FBXO40: variants seen among roughly 807,000 people sequenced by gnomAD.
FBXO40 encodes the protein F-box protein 40.
FBXO40 carries 50 observed loss-of-function variants against 49.9 expected under a neutral mutation model. That is an observed-to-expected ratio of 1.00 (90% CI 0.80 to 1.27). The LOEUF is 1.27. Among genes scored for constraint, FBXO40 ranks in the 50% most tolerant of loss-of-function variants. FBXO40 has a pLI of 0.00. For synonymous variants in FBXO40, 340 were observed against 320.2 expected, an observed-to-expected ratio of 1.06 and a Z score of -0.66; for missense variants, 895 against 870.1, an observed-to-expected ratio of 1.03 and a Z score of -0.36.
chr3:121,616,461 C>A (rs540989167), intron 1 of FBXO40, among the ~76,000 whole-genome samples: 1 of 152,194 alleles, frequency 6.6e-6, no homozygotes, highest in East Asian at 1.9e-4. Context: ...CCACAAATGG[C>A]GATTGAGCAC....
chr3:121,616,728 A>C (rs973996853), intron 1 of FBXO40, among the ~76,000 whole-genome samples: 1 of 152,200 alleles, frequency 6.6e-6, no homozygotes, highest in Non-Finnish European at 1.5e-5. Context: ...GAATGAGTGG[A>C]GGAACTAATA....
At position 121,622,636 on chromosome 3, in the gene FBXO40, G is replaced by C; in HGVS notation, c.1207G>C (p.Ala403Pro). ...SDLIKTTLQC[A>P]LERELKGHVI... ...TCTCATCAAGACCACCCTCCAGTGTGCTTTGGAAAGAGAACTCAAAGGCCA... is the reference window on the plus strand; with the variant it reads ...TCTCATCAAGACCACCCTCCAGTGTCCTTTGGAAAGAGAACTCAAAGGCCA... The change falls in exon 3 of 4, where the codon GCT becomes CCT. Residue 403 changes from alanine (A) to proline (P), a missense_variant. Ala to Pro is a conservative substitution (Grantham distance 27). Transcript: ENST00000338040. 6.2e-7 allele frequency: 1 copy of C among 1,614,196 alleles called. No individual in the cohort carries two copies. The highest frequency in any genetic ancestry group is 8.5e-7 in the Non-Finnish European group (1 of 1,180,028).
At chr3:121,623,990 T>TTC (rs2049048995) in intron 3 of FBXO40, among the ~76,000 whole-genome samples, 1 of 74,082 alleles carries the variant, frequency 1.3e-5, no homozygotes, top group Non-Finnish European at 2.8e-5. Flanking sequence ...ACCTGGCCTT[T>TTC]TTTTTTTTTT....
At chr3:121,610,220 G>T (rs2048957475) in intron 1 of FBXO40, among the ~76,000 whole-genome samples, 1 of 152,240 alleles carries the variant, frequency 6.6e-6, no homozygotes, top group South Asian at 2.1e-4. Context: ...TGGCTCTGAA[G>T]GGGTGGAGAG....
intron 3 of FBXO40, 147 bp from the exon 4 acceptor site, chr3:121,626,548 G>T: frequency 1.4e-6 from 1 of 712,292 alleles, no homozygotes; most frequent in Non-Finnish European, 2.4e-6. Context: ...CTGGAGGAGG[G>T]GCTACCAAAT....
At chr3:121,603,877 C>T (rs1003252375) in intron 1 of FBXO40, among the ~76,000 whole-genome samples, 7 of 152,288 alleles carry the variant, frequency 4.6e-5, no homozygotes, top group African/African-American at 1.4e-4. Flanking sequence ...TGCCACCACA[C>T]CCAGCTAATT....
intron 1 of FBXO40, among the ~76,000 whole-genome samples, chr3:121,613,210 C>A (rs1423335997): frequency 6.6e-6 from 1 of 152,176 alleles, no homozygotes; most frequent in Non-Finnish European, 1.5e-5. Context: ...CTGAATACCA[C>A]TCCTTGTCCG....
At chr3:121,623,457 T>C in intron 3 of FBXO40, 114 bp downstream of exon 3, 1 of 845,310 alleles carries the variant, frequency 1.2e-6, no homozygotes, top group Non-Finnish European at 1.8e-6. Context: ...AATCACAGCC[T>C]TGAACTTCTG....
Position 121,622,386 on chromosome 3 carries a change from A to G in FBXO40, c.957A>G (p.Ile319Met), listed in dbSNP as rs1449165362. The change falls in exon 3 of 4, where the codon ATA (isoleucine) becomes ATG (methionine). Residue 319 changes from isoleucine (I) to methionine (M), a missense_variant. Coordinates refer to ENST00000338040, the MANE Select transcript of FBXO40 (RefSeq NM_016298.4). Reference sequence around the variant, plus strand: ...TAGTGCACAATGGGCGGATGCTGATACACTTTGGTCAGATGCCTGCTTGTA... The same window carrying G: ...TAGTGCACAATGGGCGGATGCTGATGCACTTTGGTCAGATGCCTGCTTGTA... ...MYLVHNGRML[I>M]HFGQMPACTP... The G allele has an allele frequency of 6.2e-7, 1 of 1,614,242 alleles. No homozygotes were observed. Among genetic ancestry groups the G allele is most frequent in the Non-Finnish European group, 8.5e-7 (1 of 1,180,048 alleles).
intron 1 of FBXO40, among the ~76,000 whole-genome samples, chr3:121,614,213 G>A (rs2048983779): frequency 6.9e-6 from 1 of 145,662 alleles, no homozygotes; most frequent in African/African-American, 2.6e-5. Flanking sequence ...GTTGCAGTGA[G>A]CCAAGATTGT....
chr3:121,597,607 C>T (rs149879131), intron 1 of FBXO40, among the ~76,000 whole-genome samples: 400 of 150,966 alleles, frequency 2.6e-3, no homozygotes, highest in Middle Eastern at 0.01. Flanking sequence ...TACACACTCC[C>T]TATTTCATCT....
chr3:121,619,042 C>T (rs1461429779), intron 1 of FBXO40, among the ~76,000 whole-genome samples: 1 of 151,834 alleles, frequency 6.6e-6, no homozygotes, highest in Non-Finnish European at 1.5e-5. Flanking sequence ...CTCACCCAGG[C>T]TGGAGTGCAG....
At chr3:121,610,721 C>A (rs368379999) in intron 1 of FBXO40, among the ~76,000 whole-genome samples, 7 of 152,170 alleles carry the variant, frequency 4.6e-5, no homozygotes, top group African/African-American at 1.7e-4. Context: ...CTCACTGCAA[C>A]CTCCGCCTCC....
chr3:121,607,593 G>T (rs2048939202), intron 1 of FBXO40, among the ~76,000 whole-genome samples: 1 of 152,036 alleles, frequency 6.6e-6, no homozygotes, highest in Non-Finnish European at 1.5e-5. Context: ...ACAGGCGTGA[G>T]CCACCGCACC....
At position 121,623,017 on chromosome 3, in the gene FBXO40, C is replaced by A; in HGVS notation, c.1588C>A (p.Gln530Lys). The part of the protein sequence containing the change: ...FVQNHFRPPG[Q>K]KAKVIYSQEL... ...TCAAAACCATTTCCGTCCCCCAGGG[C>A]AAAAGGCAAAAGTAATCTATAGCCA... Residue 530 changes from glutamine (Q) to lysine (K), a missense_variant, in exon 3 of 4, where the codon CAA becomes AAA. Physicochemically the swap from Gln to Lys is moderately conservative, Grantham distance 53. Coordinates refer to ENST00000338040, the MANE Select transcript of FBXO40 (RefSeq NM_016298.4). 6.2e-7 allele frequency: 1 copy of A among 1,614,202 alleles called. No individual in the cohort carries two copies.
chr3:121,598,705 G>T (rs2048885556), intron 1 of FBXO40, among the ~76,000 whole-genome samples: 1 of 152,094 alleles, frequency 6.6e-6, no homozygotes, highest in African/African-American at 2.4e-5. Flanking sequence ...GGCAGAATTT[G>T]CCCACTCCTT....
chr3:121,613,963 T>C (rs1356052640), intron 1 of FBXO40, among the ~76,000 whole-genome samples: 1 of 151,820 alleles, frequency 6.6e-6, no homozygotes, highest in Non-Finnish European at 1.5e-5. Context: ...TGAAACACTG[T>C]CTTTACTAAA....
At position 121,623,035 on chromosome 3, in the gene FBXO40, T is replaced by C. The variant is rs781782231; in HGVS notation, c.1606T>C (p.Tyr536His). ...CCCAGGGCAAAAGGCAAAAGTAATC[T>C]ATAGCCAGGAGCTCAAGACCTTTGC... is the stretch of plus-strand genomic sequence containing the variant. Reference protein sequence around the residue: ...RPPGQKAKVIYSQELKTFAIK... With the variant: ...RPPGQKAKVIHSQELKTFAIK... Residue 536 changes from tyrosine to histidine, a missense_variant, in exon 3 of 4, where the codon TAT (tyrosine) becomes CAT (histidine). Tyr to His is a moderately conservative substitution (Grantham distance 83). Coordinates refer to ENST00000338040, the MANE Select transcript of FBXO40 (RefSeq NM_016298.4). The C allele has an allele frequency of 1.2e-6, 2 of 1,614,074 alleles. No homozygotes were observed. Among genetic ancestry groups the C allele is most frequent in the African/African-American group, 1.3e-5 (1 of 74,920 alleles).
Position 121,622,479 on chromosome 3 carries a change from C to T in FBXO40, c.1050C>T (p.Phe350=), listed in dbSNP as rs769088799. The T allele has an allele frequency of 5.6e-6, 9 of 1,614,208 alleles. No homozygotes were observed. The East Asian group carries it at 1.8e-4, about 32-fold the overall frequency. Residue 350 remains phenylalanine, a synonymous_variant, in exon 3 of 4, where the codon TTC becomes TTT. Transcript: ENST00000338040. The part of the protein sequence containing the change: ...EAQEVKTVYT[F]KVPVSYCGKR... ...AGGAAGTTAAGACTGTTTACACCTT[C>T]AAAGTTCCTGTGAGCTACTGTGGAA...
Sources: gnomAD v4.1 joint callset for allele counts (sites outside exome capture counted in the v4.1 genomes callset) on GRCh38, gnomAD v4.1.1 for gene constraint, MANE v1.5 for transcripts, NCBI Gene and HGNC (gene_info 2026-07-23, HGNC 2026-07-21) for gene names.